The following R3HDM4 variants were observed in gnomAD, a reference collection of about 807,000 sequenced individuals.
The protein encoded by R3HDM4 is R3H domain-containing protein 4.
In R3HDM4, 30 loss-of-function variants were observed where a neutral mutation model predicts 31.3. The observed-to-expected ratio is 0.96, with a 90% confidence interval of 0.72 to 1.30. The LOEUF (loss-of-function observed/expected upper bound fraction) is 1.30. R3HDM4 is among the 50% of genes most tolerant of loss of function. The pLI, the probability that R3HDM4 is intolerant of heterozygous loss-of-function variation, is 0.00. For synonymous variants in R3HDM4, 196 were observed against 156.6 expected, an observed-to-expected ratio of 1.25 and a Z score of -1.88; for missense variants, 444 against 366.1, an observed-to-expected ratio of 1.21 and a Z score of -1.74.
chr19:900,394 C>A (rs1440532198), intron 4 of R3HDM4, among the ~76,000 whole-genome samples: 3 of 151,788 alleles, frequency 2.0e-5, no homozygotes, highest in Non-Finnish European at 4.4e-5. Flanking sequence ...AGACATGAGG[C>A]CCCACCCACT....
At chr19:901,070 T>A in intron 3 of R3HDM4, 118 bp from the exon 4 acceptor site, 2 of 1,283,952 alleles carry the variant, frequency 1.6e-6, no homozygotes, top group Non-Finnish European at 2.1e-6. Context: ...CGGTCACCTC[T>A]GTCCACTGAG....
chr19:901,297 G>T, intron 3 of R3HDM4, 125 bp downstream of exon 3: 6 of 1,066,554 alleles, frequency 5.6e-6, no homozygotes, highest in Non-Finnish European at 8.0e-6. Context: ...AGACTGAGGG[G>T]CCTTCATTAG....
intron 4 of R3HDM4, among the ~76,000 whole-genome samples, chr19:900,561 C>T (rs1599357263): frequency 6.6e-6 from 1 of 151,534 alleles, no homozygotes; most frequent in South Asian, 2.1e-4. Context: ...CCATCCATAC[C>T]CTGGCCTCAC....
intron 7 of R3HDM4, among the ~76,000 whole-genome samples, chr19:898,935 T>A (rs1212582724): frequency 6.6e-6 from 1 of 152,104 alleles, no homozygotes; most frequent in Non-Finnish European, 1.5e-5. Flanking sequence ...CAGGACCAGA[T>A]GGGGTGCCTG....
intron 1 of R3HDM4, among the ~76,000 whole-genome samples, chr19:911,504 C>T (rs974172736): frequency 4.0e-4 from 61 of 152,352 alleles, no homozygotes; most frequent in African/African-American, 1.5e-3. Flanking sequence ...AATGAGACAA[C>T]GGACACTCCT....
intron 7 of R3HDM4, 61 bp from the exon 8 acceptor site, chr19:897,601 T>C (rs147416397): frequency 0.014 from 18,493 of 1,336,750 alleles, 149 homozygotes; most frequent in Admixed American, 0.018. Flanking sequence ...CAGGTAGAGG[T>C]GCCTCGGACC....
chr19:897,961 C>G (rs1200681056), intron 7 of R3HDM4, among the ~76,000 whole-genome samples: 1 of 152,282 alleles, frequency 6.6e-6, no homozygotes, highest in East Asian at 1.9e-4. Context: ...CCATCTCCCC[C>G]TCACTGCAGA....
intron 4 of R3HDM4, among the ~76,000 whole-genome samples, 175 bp from the exon 5 acceptor site, chr19:900,321 C>CA (rs984393516): frequency 6.6e-6 from 1 of 151,966 alleles, no homozygotes; most frequent in Non-Finnish European, 1.5e-5. Context: ...ACCCTACCCC[C>CA]ACGAGGCCCT....
intron 4 of R3HDM4, 51 bp from the exon 5 acceptor site, chr19:900,197 T>A: frequency 7.0e-7 from 1 of 1,437,610 alleles, no homozygotes. Flanking sequence ...GTCCTGGCCC[T>A]GCCCACCTGC....
Position 902,019 on chromosome 19 carries a change from C to CACG in R3HDM4, c.180_182dup (p.Val61dup). On this transcript the variant is annotated inframe_insertion, in exon 2 of 8. Transcript: ENST00000361574. ...GGCTCTTCCGCCCCTTGGCCTTGGG[C>CACG]ACGAGGTCTGAGTTCCGCACTGCCT... 1 of 1,613,914 alleles carries CACG rather than the reference C, an allele frequency of 6.2e-7. No individual in the cohort carries two copies.
chr19:903,243 C>G (rs573635516), intron 1 of R3HDM4, among the ~76,000 whole-genome samples: 3 of 142,320 alleles, frequency 2.1e-5, no homozygotes, highest in Admixed American at 6.8e-5. Flanking sequence ...CCCCGCAAAC[C>G]CCCCCCTTAA....
Position 899,456 on chromosome 19 carries a change from C to T in R3HDM4, c.687G>A (p.Met229Ile), listed in dbSNP as rs762093889. The T allele has an allele frequency of 1.2e-6, 2 of 1,613,700 alleles. No individual in the cohort carries two copies. Among genetic ancestry groups the T allele is most frequent in the Admixed American group, 1.7e-5 (1 of 60,018 alleles). The change falls in exon 7 of 8, where the codon ATG (methionine) becomes ATA (isoleucine). Residue 229 changes from methionine (M) to isoleucine (I), a missense_variant. Met to Ile is a conservative substitution (Grantham distance 10). Coordinates refer to ENST00000361574, the MANE Select transcript of R3HDM4 (RefSeq NM_138774.4). This position sits in a 1 kb window ranked among gnomAD's most constrained non-coding sequence, Gnocchi z 6.8. ...GGCACTTACTGGCCGAGATGAGGTC[C>T]ATGTACTGGCAGACAGCGTGCAGCA... ...RLLLHAVCQYMDLISASADLE... is the reference protein window; with the variant it reads ...RLLLHAVCQYIDLISASADLE...
At chr19:904,203 TCC>T (rs975811104) in intron 1 of R3HDM4, among the ~76,000 whole-genome samples, 7 of 151,950 alleles carry the variant, frequency 4.6e-5, no homozygotes, top group Admixed American at 4.6e-4. Context: ...CACATTCTGC[TCC>T]AACCCCACAG....
intron 1 of R3HDM4, among the ~76,000 whole-genome samples, chr19:906,770 G>A (rs1277182776): frequency 6.6e-6 from 1 of 151,930 alleles, no homozygotes; most frequent in African/African-American, 2.4e-5. Context: ...GGGGAGGCAA[G>A]TTCTATTACT....
At chr19:902,347 T>G (rs2036848903) in intron 1 of R3HDM4, 4 of 566,072 alleles carry the variant, frequency 7.1e-6, no homozygotes, top group Non-Finnish European at 1.3e-5. Flanking sequence ...TGGTGGCTCA[T>G]GCCGGTGATC....
In R3HDM4 at chr19:913,038, A is replaced by G. The variant is rs2037000784; in HGVS notation, c.71+49T>C. ...GCGGGGAGAGGATCTCAGGGGAGGG[A>G]GCCCAGCCCGCCCCCGGCGCCCGCC... On this transcript the variant is annotated intron_variant, in intron 1 of 7. Transcript: ENST00000361574. This position sits in a 1 kb window ranked among gnomAD's most constrained non-coding sequence, Gnocchi z 5.0. 2.7e-6 allele frequency: 2 copies of G among 742,684 alleles called. No individual in the cohort carries two copies. Among genetic ancestry groups the G allele is most frequent in the Non-Finnish European group, 3.3e-6 (2 of 600,222 alleles). 46.0% of individuals were successfully genotyped at this position (742,684 alleles called of 1,614,324 possible).
At chr19:905,445 C>T (rs4806829) in intron 1 of R3HDM4, among the ~76,000 whole-genome samples, 87,525 of 146,596 alleles carry the variant, frequency 0.6, 27,932 homozygotes, top group Non-Finnish European at 0.72. Flanking sequence ...ACGGAGGTTG[C>T]GGTGAGCCAA....
In R3HDM4 at chr19:899,106, C is replaced by T. The variant is rs997103740; in HGVS notation, c.703+334G>A. ...TTAAATGCAAACCTTCCAGACACTG[C>T]GTCCCCCCATCTTATCTCTGGCTCT... On this transcript the variant is annotated intron_variant, in intron 7 of 7. Transcript: ENST00000361574. The surrounding 1 kb of genome is among the most constrained non-coding windows in gnomAD (Gnocchi z 6.8). Among the ~76,000 whole-genome samples, 5 of 152,100 alleles carry T rather than the reference C, an allele frequency of 3.3e-5. No individual in the cohort carries two copies. Among genetic ancestry groups the T allele is most frequent in the Non-Finnish European group, 7.4e-5 (5 of 67,996 alleles).
intron 2 of R3HDM4, chr19:901,761 C>G (rs2036840220): frequency 1.2e-6 from 1 of 819,484 alleles, no homozygotes; most frequent in African/African-American, 1.7e-5. Flanking sequence ...GCTCCAATGC[C>G]CGGGGCGCCC....
Sources: allele counts gnomAD v4.1 joint callset (sites outside exome capture counted in the v4.1 genomes callset), GRCh38; gene constraint gnomAD v4.1.1; non-coding constraint Gnocchi (gnomAD v3.1); transcripts MANE v1.5; gene names NCBI Gene and HGNC (gene_info 2026-07-23, HGNC 2026-07-21).